The following USP24 variants were observed in gnomAD, a reference collection of about 807,000 sequenced individuals.
The protein encoded by USP24 is ubiquitin specific peptidase 24.
Under a neutral mutation model 361.6 loss-of-function variants are expected in USP24, and 97 were observed. The ratio of observed to expected loss-of-function variants is 0.27; its 90% CI spans 0.23 to 0.32. The LOEUF (loss-of-function observed/expected upper bound fraction) is 0.32. USP24 is among the 10% of genes least tolerant of loss of function. USP24 has a pLI of 1.00. For synonymous variants in USP24, 1,098 were observed against 1,124.6 expected (o/e 0.98, Z 0.47); for missense variants, 2,353 against 3,165.6 (o/e 0.74, Z 6.16).
Position 55,121,490 on chromosome 1 carries a change from C to A in USP24, c.4293G>T (p.Leu1431Phe). 2 of 1,613,482 alleles carry A rather than the reference C, an allele frequency of 1.2e-6. No homozygotes were observed. Among genetic ancestry groups the A allele is most frequent in the Non-Finnish European group, 1.7e-6 (2 of 1,179,660 alleles). ...CAATGATGAAATCAGCAACACAGGG[C>A]AAGTTATAGAAAGATGCTAATAAGA... ...RSQQLASFYN[L>F]PCVADFIIDI... Residue 1431 changes from leucine to phenylalanine, a missense_variant, in exon 37 of 68, where the codon TTG becomes TTT. By Grantham distance (22) the Leu-to-Phe change is conservative (BLOSUM62 0). Transcript: ENST00000294383.
chr1:55,146,437 T>C (rs559074862), intron 19 of USP24, among the ~76,000 whole-genome samples: 11 of 152,208 alleles, frequency 7.2e-5, no homozygotes, highest in Non-Finnish European at 1.3e-4. Flanking sequence ...AAGTAGTTAA[T>C]ATTATTCTGT....
At chr1:55,146,200 AC>A in intron 19 of USP24, 91 bp from the exon 20 acceptor site, 6 of 868,036 alleles carry the variant, frequency 6.9e-6, no homozygotes, top group Non-Finnish European at 1.1e-5. Context: ...ACATTTTAAT[AC>A]TTCAAATGTT....
chr1:55,094,162 T>C lies in USP24; in HGVS notation c.6204-75A>G, dbSNP rs551862952. 304 of 1,460,394 alleles carry C rather than the reference T, an allele frequency of 2.1e-4. 1 individual carries two copies. The South Asian group carries it at 3.8e-3, about 18-fold the overall frequency. 90.5% of individuals were successfully genotyped at this position (1,460,394 alleles called of 1,614,324 possible). A position where few individuals can be genotyped will look rare whatever the true frequency, so the allele number is the denominator to read the frequency against. Reference sequence around the variant, plus strand: ...TCAGTAGTTACTAAGACTTGCCAAATTCACATAAACGGGTATTAGACTATT... The same window carrying C: ...TCAGTAGTTACTAAGACTTGCCAAACTCACATAAACGGGTATTAGACTATT... On this transcript the variant is annotated intron_variant, in intron 51 of 67. Coordinates refer to ENST00000294383, the MANE Select transcript of USP24 (RefSeq NM_015306.3).
At chr1:55,079,387 C>T (rs1237187212) in intron 60 of USP24, 151 bp downstream of exon 60, 5 of 1,124,706 alleles carry the variant, frequency 4.4e-6, no homozygotes, top group African/African-American at 1.7e-5. Context: ...ACATTCTCTT[C>T]CACTAATTAT....
At chr1:55,160,953 AG>A (rs1397849381) in intron 8 of USP24, among the ~76,000 whole-genome samples, 2 of 152,226 alleles carry the variant, frequency 1.3e-5, no homozygotes, top group Non-Finnish European at 2.9e-5. Context: ...AATAAACTGA[AG>A]GAACATTAGC....
At chr1:55,110,161 C>G (rs765073455) in intron 39 of USP24, 24 bp downstream of exon 39, 200 of 1,536,544 alleles carry the variant, frequency 1.3e-4, no homozygotes, top group Non-Finnish European at 1.6e-4. Context: ...GCCCCTCTCC[C>G]CTACATATTA....
chr1:55,130,857 G>C, intron 31 of USP24, among the ~76,000 whole-genome samples: 1 of 152,148 alleles, frequency 6.6e-6, no homozygotes, highest in East Asian at 1.9e-4. Flanking sequence ...CCTTTTAGCT[G>C]ACAGCAAAAT....
At chr1:55,172,573 T>A in intron 3 of USP24, 53 bp from the exon 4 acceptor site, 1 of 1,537,712 alleles carries the variant, frequency 6.5e-7, no homozygotes, top group Admixed American at 2.0e-5. Context: ...AGAAAATAAA[T>A]CTACAGTTTA....
In USP24 at chr1:55,100,776, TAGAG is replaced by T; in HGVS notation, c.5271+59_5271+62del. ...AATAAAAACAAAAAACCATTACCAT[TAGAG>T]AAAGAATGTAGCCAAATATTTAACA... On this transcript the variant is annotated intron_variant, in intron 44 of 67. Coordinates refer to ENST00000294383, the MANE Select transcript of USP24 (RefSeq NM_015306.3). 3 of 1,484,886 alleles carry T rather than the reference TAGAG, an allele frequency of 2.0e-6. No individual in the cohort carries two copies. In the South Asian group the frequency reaches 4.5e-5, roughly 22 times the overall value. 92.0% of individuals were successfully genotyped at this position (1,484,886 alleles called of 1,614,324 possible).
At chr1:55,178,187 A>C (rs1296558945) in intron 1 of USP24, 55 bp from the exon 2 acceptor site, 1 of 1,541,810 alleles carries the variant, frequency 6.5e-7, no homozygotes, top group African/African-American at 1.4e-5. Flanking sequence ...TGATTACTCT[A>C]AAAATTTCCT....
intron 12 of USP24, 128 bp downstream of exon 12, chr1:55,156,820 G>C: frequency 4.9e-6 from 3 of 608,580 alleles, no homozygotes; most frequent in Non-Finnish European, 8.8e-6. Flanking sequence ...ACTGTAAAGT[G>C]GGTTAGGTAC....
chr1:55,186,707 AG>A (rs1305210423), intron 1 of USP24, among the ~76,000 whole-genome samples: 7 of 152,230 alleles, frequency 4.6e-5, no homozygotes, highest in Admixed American at 4.6e-4. Context: ...GAAAGTACTT[AG>A]AGTAGTCAAA....
intron 16 of USP24, among the ~76,000 whole-genome samples, 190 bp from the exon 17 acceptor site, chr1:55,148,760 A>G (rs1024987842): frequency 3.9e-5 from 6 of 152,178 alleles, no homozygotes; most frequent in African/African-American, 1.2e-4. Context: ...TCTGCATGCA[A>G]TTTCCTAAAG....
chr1:55,103,761 A>G, intron 42 of USP24, 115 bp downstream of exon 42: 3 of 1,212,112 alleles, frequency 2.5e-6, no homozygotes, highest in Non-Finnish European at 3.4e-6. Flanking sequence ...CACAGTAAGC[A>G]AAATAGTAAT....
intron 60 of USP24, among the ~76,000 whole-genome samples, chr1:55,079,085 GGGGGCGGCTCTGCTGGAA>G (rs1406617832): frequency 6.6e-6 from 1 of 152,224 alleles, no homozygotes; most frequent in East Asian, 1.9e-4. Flanking sequence ...GTCCACAGCT[GGGGGCGGCTCTGCTGGAA>G]GGGGAAGGTT....
At chr1:55,188,389 C>T (rs1451817903) in intron 1 of USP24, among the ~76,000 whole-genome samples, 1 of 151,652 alleles carries the variant, frequency 6.6e-6, no homozygotes, top group South Asian at 2.1e-4. Flanking sequence ...TCAAAAGTCA[C>T]CATTAAGAAA....
intron 1 of USP24, among the ~76,000 whole-genome samples, chr1:55,213,285 G>T (rs1387928144): frequency 2.0e-5 from 3 of 152,162 alleles, no homozygotes; most frequent in Non-Finnish European, 2.9e-5. Flanking sequence ...CCCAAACTAG[G>T]AATAGTAACA....
intron 12 of USP24, among the ~76,000 whole-genome samples, chr1:55,155,476 G>A (rs910104307): frequency 6.6e-6 from 1 of 152,078 alleles, no homozygotes. Context: ...ATAAATCATG[G>A]TCTCTAATCT....
intron 1 of USP24, among the ~76,000 whole-genome samples, chr1:55,189,752 T>C (rs879618044): frequency 2.6e-5 from 4 of 152,224 alleles, no homozygotes; most frequent in Non-Finnish European, 2.9e-5. Flanking sequence ...ATGAGTTCAA[T>C]GATTATAGTC....
Sources: allele counts gnomAD v4.1 joint callset (sites outside exome capture counted in the v4.1 genomes callset), GRCh38; gene constraint gnomAD v4.1.1; transcripts MANE v1.5; gene names NCBI Gene and HGNC (gene_info 2026-07-23, HGNC 2026-07-21).